ACSM4: variants seen among roughly 807,000 people sequenced by gnomAD.
The protein encoded by ACSM4 is acyl-CoA synthetase medium chain family member 4.
Under a neutral mutation model 73.0 loss-of-function variants are expected in ACSM4, and 66 were observed. The observed-to-expected ratio is 0.90, with a 90% CI of 0.74 to 1.11. The LOEUF (loss-of-function observed/expected upper bound fraction) is 1.11. Ranked by LOEUF, ACSM4 falls within the 50% of genes least tolerant of loss-of-function variation. ACSM4 has a pLI of 0.00. For synonymous variants in ACSM4, 222 were observed against 254.0 expected, an observed-to-expected ratio of 0.87 and a Z score of 1.20; for missense variants, 645 against 714.4, an observed-to-expected ratio of 0.90 and a Z score of 1.11.
At chr12:7,311,672 C>T (rs1291726249) in intron 3 of ACSM4, among the ~76,000 whole-genome samples, 2 of 152,166 alleles carry the variant, frequency 1.3e-5, no homozygotes, top group African/African-American at 4.8e-5. Context: ...ATCTGGCCTG[C>T]CACCTTTTTT....
chr12:7,304,380 A>G lies in ACSM4; in HGVS notation c.49A>G (p.Lys17Glu), dbSNP rs779558027. 2.5e-6 allele frequency: 4 copies of G among 1,613,870 alleles called. No homozygotes were observed. The East Asian group carries it at 6.7e-5, about 27-fold the overall frequency. The change falls in exon 1 of 13, where the codon AAG becomes GAG. Residue 17 changes from lysine to glutamate, a missense_variant. Transcript: ENST00000399422. Reference sequence around the variant, plus strand: ...GACATTTAGATTCATCTGGCTCACCAAGCCACCTGGCCGGCGCTTACACAA... The same window carrying G: ...GACATTTAGATTCATCTGGCTCACCGAGCCACCTGGCCGGCGCTTACACAA... ...YQTFRFIWLT[K>E]PPGRRLHKDH...
intron 3 of ACSM4, among the ~76,000 whole-genome samples, chr12:7,313,286 A>C (rs1946401174): frequency 6.6e-6 from 1 of 152,186 alleles, no homozygotes; most frequent in South Asian, 2.1e-4. Context: ...AAATTTGCAC[A>C]CTTTGGGAGT....
rs1324440370 is a variant in ACSM4, at chr12:7,324,573, G to C, written c.1511G>C (p.Ser504Thr). ...GCAGTTGTTGAATCGGCTGTTGTCAGTAGTCCAGATCAAATCCGCGGAGAG... is the reference window on the plus strand; with the variant it reads ...GCAGTTGTTGAATCGGCTGTTGTCACTAGTCCAGATCAAATCCGCGGAGAG... ...HPAVVESAVV[S>T]SPDQIRGEVV... The change falls in exon 11 of 13, where the codon AGT becomes ACT. Residue 504 changes from serine to threonine, a missense_variant. Physicochemically the swap from Ser to Thr is moderately conservative, Grantham distance 58. Transcript: ENST00000399422. The C allele has an allele frequency of 1.2e-6, 2 of 1,613,886 alleles. No individual in the cohort carries two copies. The highest frequency in any genetic ancestry group is 2.7e-5 in the African/African-American group (2 of 74,926).
chr12:7,328,148 C>T (rs1946523747), intron 12 of ACSM4, 139 bp from the exon 13 acceptor site: 1 of 573,542 alleles, frequency 1.7e-6, no homozygotes, highest in Non-Finnish European at 3.0e-6. Context: ...TTTCTGGTGT[C>T]CATGAAATTC....
intron 3 of ACSM4, among the ~76,000 whole-genome samples, chr12:7,316,678 A>G (rs535949301): frequency 8.9e-4 from 135 of 152,350 alleles, no homozygotes; most frequent in Non-Finnish European, 1.7e-3. Context: ...GATATTGAAG[A>G]TACTGAACAA....
Position 7,327,037 on chromosome 12 carries a change from C to T in ACSM4, c.1598C>T (p.Thr533Ile). ...PFKSYNPEKL[T>I]LELQDHVKKS... ...AAGTCCTACAACCCAGAGAAATTAA[C>T]TCTTGAACTTCAGGATCATGTGAAA... The change falls in exon 12 of 13, where the codon ACT becomes ATT. Residue 533 changes from threonine to isoleucine, a missense_variant. Coordinates refer to ENST00000399422, the MANE Select transcript of ACSM4 (RefSeq NM_001080454.2). 6.8e-6 allele frequency: 11 copies of T among 1,612,576 alleles called. No individual in the cohort carries two copies. The highest frequency in any genetic ancestry group is 9.3e-6 in the Non-Finnish European group (11 of 1,179,364).
rs748592689 is a variant in ACSM4, at chr12:7,324,381, G to A, written c.1417G>A (p.Asp473Asn). Residue 473 changes from aspartate (D) to asparagine (N), a missense_variant, in exon 10 of 13, where the codon GAT (aspartate) becomes AAT (asparagine). By Grantham distance (23) the Asp-to-Asn change is conservative. Transcript: ENST00000399422. ...TTTCTGGTTTGTCGGCAGAGCTGAT[G>A]ATGTCATTATATCCTCTGGGTTTGT... ...GYFWFVGRAD[D>N]VIISSGYRIG... 4 of 1,613,974 alleles carry A rather than the reference G, an allele frequency of 2.5e-6. No homozygotes were observed. The highest frequency in any genetic ancestry group is 1.7e-5 in the Admixed American group (1 of 59,990).
intron 5 of ACSM4, chr12:7,318,566 T>C (rs1285093855): frequency 1.2e-5 from 2 of 160,436 alleles, no homozygotes; most frequent in African/African-American, 4.8e-5. Flanking sequence ...GGAGTGGACA[T>C]TAAAGGTGGG....
chr12:7,314,602 TA>T (rs1946408516), intron 3 of ACSM4, among the ~76,000 whole-genome samples: 1 of 151,572 alleles, frequency 6.6e-6, no homozygotes, highest in Non-Finnish European at 1.5e-5. Context: ...GGTAGGTAGA[TA>T]GATGATAGAT....
At chr12:7,323,171 G>C in intron 7 of ACSM4, 63 bp from the exon 8 acceptor site, 1 of 1,421,790 alleles carries the variant, frequency 7.0e-7, no homozygotes, top group Non-Finnish European at 9.6e-7. Context: ...AATTTTCATT[G>C]CCATGATATA....
chr12:7,311,208 A>G lies in ACSM4; in HGVS notation c.620+462A>G, dbSNP rs565852926. On this transcript the variant is annotated intron_variant, in intron 3 of 12. Coordinates refer to ENST00000399422, the MANE Select transcript of ACSM4 (RefSeq NM_001080454.2). ...AATAAATAAAATAAAAGAAAAGAAA[A>G]AGAAAAGTATTACCTAATAAATGAA... Among the ~76,000 whole-genome samples the G allele has an allele frequency of 3.6e-4, 54 of 152,028 alleles. 1 individual carries two copies. In the East Asian group the frequency reaches 9.1e-3, roughly 26 times the overall value.
Position 7,317,110 on chromosome 12 carries a change from C to T in ACSM4, c.621-27C>T, listed in dbSNP as rs768155717. ...GTCAAACTGGTCTGCCATCTTCCAC[C>T]GCCATCTTGGGGTCCATATTTTGCA... On this transcript the variant is annotated intron_variant, in intron 3 of 12. Transcript: ENST00000399422. The T allele has an allele frequency of 1.0e-5, 16 of 1,593,068 alleles. 1 individual carries two copies. The highest frequency in any genetic ancestry group is 3.5e-5 in the South Asian group (3 of 86,824).
intron 1 of ACSM4, among the ~76,000 whole-genome samples, chr12:7,305,430 T>C (rs1385807138): frequency 6.6e-6 from 1 of 152,196 alleles, no homozygotes; most frequent in East Asian, 1.9e-4. Context: ...AGAAGAATAG[T>C]GCAGGTGCAG....
intron 2 of ACSM4, among the ~76,000 whole-genome samples, chr12:7,310,032 C>T (rs1271717429): frequency 1.3e-5 from 2 of 152,228 alleles, no homozygotes; most frequent in Non-Finnish European, 2.9e-5. Context: ...AAGTAATCTA[C>T]TGGCCTCGCC....
In ACSM4 at chr12:7,304,421, G is replaced by C. The variant is rs760878212; in HGVS notation, c.90G>C (p.Trp30Cys). Residue 30 changes from tryptophan (W) to cysteine (C), a missense_variant, in exon 1 of 13, where the codon TGG becomes TGC. By Grantham distance (215) the Trp-to-Cys change is radical (BLOSUM62 -2). Transcript: ENST00000399422. ...GRRLHKDHQL[W>C]TPLTLADFEA... ...GCTTACACAAAGATCACCAGCTTTG[G>C]ACGCCTCTGACTCTTGCTGACTTTG... is the stretch of plus-strand genomic sequence containing the variant. 2 of 1,613,958 alleles carry C rather than the reference G, an allele frequency of 1.2e-6. No homozygotes were observed. The highest frequency in any genetic ancestry group is 8.5e-7 in the Non-Finnish European group (1 of 1,179,870).
intron 4 of ACSM4, 92 bp downstream of exon 4, chr12:7,317,372 A>T (rs1237807354): frequency 7.0e-7 from 1 of 1,423,664 alleles, no homozygotes; most frequent in African/African-American, 1.5e-5. Context: ...TTGAATTGCT[A>T]TAAGATATTG....
At chr12:7,317,912 A>C (rs1466450486) in intron 4 of ACSM4, 114 bp from the exon 5 acceptor site, 12 of 1,150,000 alleles carry the variant, frequency 1.0e-5, no homozygotes, top group Non-Finnish European at 1.4e-5. Context: ...GCTTCTTTTG[A>C]CCCTTCTCTG....
chr12:7,323,844 G>C (rs1946483169), intron 9 of ACSM4, among the ~76,000 whole-genome samples: 1 of 152,092 alleles, frequency 6.6e-6, no homozygotes, highest in African/African-American at 2.4e-5. Flanking sequence ...TACTCTTTAT[G>C]ACCTTTTGTA....
At chr12:7,317,770 A>G (rs1481806829) in intron 4 of ACSM4, among the ~76,000 whole-genome samples, 1 of 152,130 alleles carries the variant, frequency 6.6e-6, no homozygotes, top group Non-Finnish European at 1.5e-5. Context: ...CGGCTTAACA[A>G]GTATTTGTTG....
Sources: allele counts gnomAD v4.1 joint callset (sites outside exome capture counted in the v4.1 genomes callset), GRCh38; gene constraint gnomAD v4.1.1; transcripts MANE v1.5; gene names NCBI Gene and HGNC (gene_info 2026-07-23, HGNC 2026-07-21).